Variants in SERGEF observed in about 807,000 individuals in gnomAD.
The protein encoded by SERGEF is secretion regulating guanine nucleotide exchange factor.
SERGEF carries 51 observed loss-of-function variants against 50.0 expected under a neutral mutation model. That is an observed-to-expected ratio of 1.02 (90% CI 0.81 to 1.29). The LOEUF is 1.29. Ranked by LOEUF, SERGEF falls within the 50% of genes most tolerant of loss-of-function variation. The pLI is 0.00. For missense variants in SERGEF, 521 were observed against 557.0 expected (o/e 0.94, Z 0.65); for synonymous variants, 205 against 212.4 (o/e 0.97, Z 0.30).
At chr11:17,969,839 G>A (rs1239903964) in intron 8 of SERGEF, among the ~76,000 whole-genome samples, 3 of 152,158 alleles carry the variant, frequency 2.0e-5, no homozygotes, top group Non-Finnish European at 2.9e-5. Context: ...ATTCTCAAGA[G>A]GATTATGGGA....
At chr11:17,957,922 G>A (rs1324632291) in intron 9 of SERGEF, among the ~76,000 whole-genome samples, 1 of 152,134 alleles carries the variant, frequency 6.6e-6, no homozygotes, top group Admixed American at 6.5e-5. Context: ...CATCATAAAT[G>A]CTATTGGTAC....
At chr11:17,998,412 A>G (rs1853881649) in intron 5 of SERGEF, among the ~76,000 whole-genome samples, 1 of 135,562 alleles carries the variant, frequency 7.4e-6, no homozygotes, top group African/African-American at 2.9e-5. Flanking sequence ...GGGGGACCCT[A>G]TCTTAAAAAT....
chr11:17,836,339 G>A (rs1339736386), intron 10 of SERGEF, among the ~76,000 whole-genome samples: 2 of 152,204 alleles, frequency 1.3e-5, no homozygotes, highest in African/African-American at 2.4e-5. Flanking sequence ...ACAGGTATAT[G>A]GGCCAAGGGC....
Position 17,988,591 on chromosome 11 carries a change from T to C in SERGEF, c.844+6A>G. ...ACCAACCGTAAGTTCTCTGCTACTG[T>C]CTCACCTGTCTGAGCAACCAGGTGT... On this transcript the variant is annotated splice_donor_region_variant and intron_variant, in intron 8 of 10. Coordinates refer to ENST00000265965, the MANE Select transcript of SERGEF (RefSeq NM_012139.4). The C allele has an allele frequency of 6.2e-7, 1 of 1,613,698 alleles. No homozygotes were observed.
At chr11:17,983,773 C>A (rs1208837438) in intron 8 of SERGEF, among the ~76,000 whole-genome samples, 2 of 146,362 alleles carry the variant, frequency 1.4e-5, no homozygotes, top group Non-Finnish European at 3.0e-5. Context: ...AATGACTAGT[C>A]AGCAATGTCA....
chr11:17,951,780 G>A (rs1261072735), intron 9 of SERGEF, among the ~76,000 whole-genome samples: 2 of 152,158 alleles, frequency 1.3e-5, no homozygotes, highest in African/African-American at 4.8e-5. Flanking sequence ...TTTGAGCAGT[G>A]ACAGCTTTCT....
intron 10 of SERGEF, chr11:17,856,185 T>G (rs1850814932): frequency 6.6e-6 from 1 of 152,466 alleles, no homozygotes. Context: ...GCAATATAAC[T>G]AACAAGCTCA....
At chr11:17,984,251 T>A (rs1045479339) in intron 8 of SERGEF, among the ~76,000 whole-genome samples, 1 of 152,204 alleles carries the variant, frequency 6.6e-6, no homozygotes, top group East Asian at 1.9e-4. Context: ...AATTGGCTTA[T>A]GGTTCTGTAG....
At chr11:17,999,670 C>G in intron 5 of SERGEF, 1 of 421,318 alleles carries the variant, frequency 2.4e-6, no homozygotes, top group Non-Finnish European at 4.7e-6. Context: ...CCCTCACACA[C>G]AGACTGTCAG....
In SERGEF at chr11:18,006,678, T is replaced by C. The variant is rs1186497030; in HGVS notation, c.265A>G (p.Ile89Val). 1.2e-6 allele frequency: 2 copies of C among 1,614,052 alleles called. No individual in the cohort carries two copies. The highest frequency in any genetic ancestry group is 1.7e-6 in the Non-Finnish European group (2 of 1,180,036). Residue 89 changes from isoleucine (I) to valine (V), a missense_variant, in exon 3 of 11, where the codon ATC becomes GTC. Ile to Val is a conservative substitution (Grantham distance 29). Coordinates refer to ENST00000265965, the MANE Select transcript of SERGEF (RefSeq NM_012139.4). ...GQLGLGHTED[I>V]PYFTPCKSLF... is the part of the protein sequence containing the mutation. ...GATTTGCAGGGGGTAAAATATGGGA[T>C]ATCCTCTGTGTGACCAAGCCCCAGT... is the stretch of plus-strand genomic sequence containing the variant.
intron 9 of SERGEF, among the ~76,000 whole-genome samples, chr11:17,923,837 C>A (rs1037017971): frequency 2.0e-5 from 3 of 152,188 alleles, no homozygotes; most frequent in Non-Finnish European, 4.4e-5. Flanking sequence ...GCATCCTGGA[C>A]TGACACTATG....
At chr11:17,995,302 G>A (rs997240713) in intron 6 of SERGEF, among the ~76,000 whole-genome samples, 2 of 152,186 alleles carry the variant, frequency 1.3e-5, no homozygotes, top group African/African-American at 4.8e-5. Context: ...TTGGGAGAAG[G>A]AACTGGCCAT....
chr11:17,862,625 G>T (rs1850946696), intron 10 of SERGEF, among the ~76,000 whole-genome samples: 1 of 152,202 alleles, frequency 6.6e-6, no homozygotes, highest in Admixed American at 6.5e-5. Flanking sequence ...GATTCCAGAG[G>T]CAAGAGGCAG....
chr11:17,847,274 A>G (rs1271966588), intron 10 of SERGEF, among the ~76,000 whole-genome samples: 2 of 152,188 alleles, frequency 1.3e-5, no homozygotes, highest in Non-Finnish European at 2.9e-5. Flanking sequence ...TGCTAATTCC[A>G]CATGCCTGAG....
chr11:17,885,447 G>C (rs1851412042), intron 9 of SERGEF, among the ~76,000 whole-genome samples: 1 of 151,878 alleles, frequency 6.6e-6, no homozygotes, highest in Non-Finnish European at 1.5e-5. Context: ...TTAGCTTCCT[G>C]AGTAGCGAGG....
chr11:17,828,165 C>T (rs1850233406), intron 10 of SERGEF, among the ~76,000 whole-genome samples: 1 of 152,174 alleles, frequency 6.6e-6, no homozygotes, highest in Admixed American at 6.5e-5. Flanking sequence ...GTGTCTGTAT[C>T]CTTGAGTGAG....
intron 8 of SERGEF, among the ~76,000 whole-genome samples, chr11:17,980,170 C>A (rs978184434): frequency 6.6e-6 from 1 of 152,192 alleles, no homozygotes; most frequent in African/African-American, 2.4e-5. Context: ...TCTTTAGGAA[C>A]AAATATATTT....
intron 8 of SERGEF, among the ~76,000 whole-genome samples, chr11:17,961,738 A>T (rs1051108308): frequency 2.6e-5 from 4 of 152,220 alleles, no homozygotes; most frequent in African/African-American, 9.6e-5. Flanking sequence ...CATTCTGGTT[A>T]AGACAAGTCC....
In SERGEF at chr11:17,962,545, G is replaced by A. The variant is rs149899820; in HGVS notation, c.845-2909C>T. ...TGTCATCCAAAAAGTATAGGTATGT[G>A]TCTCCAGGTAAATGATAAATGACAG... On this transcript the variant is annotated intron_variant, in intron 8 of 10. Coordinates refer to ENST00000265965, the MANE Select transcript of SERGEF (RefSeq NM_012139.4). Among the ~76,000 whole-genome samples, 909 of 152,218 alleles carry A rather than the reference G, an allele frequency of 6.0e-3. 15 individuals are homozygous for A. The highest frequency in any genetic ancestry group is 0.02 in the African/African-American group (845 of 41,530).
Sources: gnomAD v4.1 joint callset for allele counts (sites outside exome capture counted in the v4.1 genomes callset) on GRCh38, gnomAD v4.1.1 for gene constraint, MANE v1.5 for transcripts, NCBI Gene and HGNC (gene_info 2026-07-23, HGNC 2026-07-21) for gene names.